The following ZNF654 variants were observed in gnomAD, a reference collection of about 807,000 sequenced individuals.
ZNF654 encodes the protein melanoma-associated antigen.
ZNF654 carries 19 observed loss-of-function variants against 95.3 expected under a neutral mutation model. The observed-to-expected ratio is 0.20, with a 90% CI of 0.14 to 0.29. The LOEUF (loss-of-function observed/expected upper bound fraction) is 0.29, where lower values mean the gene tolerates loss of function less well. Ranked by LOEUF, ZNF654 falls within the 10% of genes least tolerant of loss-of-function variation. The probability of loss-of-function intolerance (pLI) is 1.00; values close to 1 mark genes in which losing one functional copy is unlikely to be tolerated. For missense variants in ZNF654, 1,046 were observed against 1,341.0 expected (o/e 0.78, Z 3.44); for synonymous variants, 413 against 457.9 (o/e 0.90, Z 1.25).
chr3:88,064,351 C>T (rs534479256), intron 1 of ZNF654, among the ~76,000 whole-genome samples: 14 of 152,284 alleles, frequency 9.2e-5, no homozygotes, highest in Admixed American at 7.2e-4. Flanking sequence ...AGCATGTTCA[C>T]TATGTACACT....
chr3:88,066,403 A>C (rs1031469063), intron 1 of ZNF654, among the ~76,000 whole-genome samples: 1 of 151,914 alleles, frequency 6.6e-6, no homozygotes, highest in Admixed American at 6.6e-5. Context: ...GTGAAACCCT[A>C]TCTCTACAAA....
chr3:88,081,709 C>A (rs1475064877), intron 1 of ZNF654, among the ~76,000 whole-genome samples: 5 of 152,164 alleles, frequency 3.3e-5, no homozygotes, highest in African/African-American at 1.2e-4. Flanking sequence ...CACAGCATTT[C>A]TCTACTTTCT....
At chr3:88,077,529 G>T (rs903547060) in intron 1 of ZNF654, among the ~76,000 whole-genome samples, 2 of 151,952 alleles carry the variant, frequency 1.3e-5, no homozygotes, top group Admixed American at 1.3e-4. Flanking sequence ...TAGAGACGGG[G>T]TTTCCCTGTG....
intron 2 of ZNF654, among the ~76,000 whole-genome samples, chr3:88,099,585 C>G (rs533961852): frequency 6.6e-6 from 1 of 152,128 alleles, no homozygotes; most frequent in African/African-American, 2.4e-5. Flanking sequence ...TACTACAAGG[C>G]TACAGTAACC....
rs548146174 is a variant in ZNF654 at position 88,140,379 on chromosome 3, G to A, written c.2710G>A (p.Glu904Lys). The A allele has an allele frequency of 6.2e-7, 1 of 1,613,042 alleles. No individual in the cohort carries two copies. Among genetic ancestry groups the A allele is most frequent in the South Asian group, 1.1e-5 (1 of 91,010 alleles). ...PNQEKDSSSN[E>K]KQTISLPVST... Reference sequence around the variant, plus strand: ...TCAGGAAAAAGACTCATCTAGTAATGAGAAACAAACTATTAGTCTGCCAGT... The same window carrying A: ...TCAGGAAAAAGACTCATCTAGTAATAAGAAACAAACTATTAGTCTGCCAGT... Residue 904 changes from glutamate to lysine, a missense_variant, in exon 8 of 9, where the codon GAG (glutamate) becomes AAG (lysine). Physicochemically the swap from Glu to Lys is moderately conservative, Grantham distance 56. Transcript: ENST00000636215.
At chr3:88,107,619 T>C (rs1704823466) in intron 2 of ZNF654, among the ~76,000 whole-genome samples, 1 of 152,176 alleles carries the variant, frequency 6.6e-6, no homozygotes, top group South Asian at 2.1e-4. Flanking sequence ...ATTAAACATG[T>C]ATACTCCACC....
At chr3:88,131,087 C>G (rs1373235378) in intron 6 of ZNF654, among the ~76,000 whole-genome samples, 1 of 152,102 alleles carries the variant, frequency 6.6e-6, no homozygotes, top group Non-Finnish European at 1.5e-5. Flanking sequence ...GATGGTATAT[C>G]CTACTGCACA....
At chr3:88,129,894 CTTTG>C (rs1157127518) in intron 6 of ZNF654, 68 bp downstream of exon 6, 1 of 1,290,426 alleles carries the variant, frequency 7.7e-7, no homozygotes, top group Non-Finnish European at 1.0e-6. Flanking sequence ...GCAGTTTGAA[CTTTG>C]TTTTTTACAT....
intron 2 of ZNF654, among the ~76,000 whole-genome samples, chr3:88,101,058 A>G (rs944759395): frequency 6.6e-6 from 1 of 152,202 alleles, no homozygotes; most frequent in African/African-American, 2.4e-5. Context: ...TATATTGTCA[A>G]TCTTGTTTCA....
chr3:88,123,022 A>AG (rs1168700281), intron 3 of ZNF654, among the ~76,000 whole-genome samples: 1 of 151,696 alleles, frequency 6.6e-6, no homozygotes, highest in Non-Finnish European at 1.5e-5. Context: ...AAAAAAAAAA[A>AG]AAAAGTAAAA....
chr3:88,071,461 G>A (rs1214940286), intron 1 of ZNF654, among the ~76,000 whole-genome samples: 15 of 152,264 alleles, frequency 9.9e-5, no homozygotes, highest in African/African-American at 3.4e-4. Flanking sequence ...TGGCTAACAC[G>A]GTGAAACCCC....
intron 1 of ZNF654, among the ~76,000 whole-genome samples, chr3:88,071,835 A>G (rs1707533175): frequency 1.3e-5 from 2 of 152,194 alleles, no homozygotes; most frequent in African/African-American, 2.4e-5. Flanking sequence ...TTCCGTATCA[A>G]ACTTCACTTT....
Position 88,139,462 on chromosome 3 carries a change from T to C in ZNF654, c.1793T>C (p.Ile598Thr). ...QKHLKNHVKK[I>T]QRQQIAAAQQ... ...CATTTGAAGAATCATGTTAAGAAGATACAGAGGCAGCAAATTGCTGCAGCT... is the reference window on the plus strand; with the variant it reads ...CATTTGAAGAATCATGTTAAGAAGACACAGAGGCAGCAAATTGCTGCAGCT... The change falls in exon 8 of 9, where the codon ATA becomes ACA. Residue 598 changes from isoleucine (I) to threonine (T), a missense_variant. By Grantham distance (89) the Ile-to-Thr change is moderately conservative. Coordinates refer to ENST00000636215, the MANE Select transcript of ZNF654 (RefSeq NM_001350134.2). 6.2e-7 allele frequency: 1 copy of C among 1,613,798 alleles called. No individual in the cohort carries two copies. The highest frequency in any genetic ancestry group is 8.5e-7 in the Non-Finnish European group (1 of 1,179,802).
intron 1 of ZNF654, among the ~76,000 whole-genome samples, chr3:88,083,041 C>T (rs1273742361): frequency 6.6e-6 from 1 of 151,774 alleles, no homozygotes; most frequent in African/African-American, 2.4e-5. Flanking sequence ...CACTCCTCCT[C>T]ACTCCTCCTC....
chr3:88,066,577 AAC>A (rs1438124712), intron 1 of ZNF654, among the ~76,000 whole-genome samples: 14 of 151,860 alleles, frequency 9.2e-5, no homozygotes, highest in Admixed American at 2.0e-4. Flanking sequence ...CAAACAAACA[AAC>A]AAAAAAAACA....
At position 88,135,129 on chromosome 3, in the gene ZNF654, A is replaced by G; in HGVS notation, c.962A>G (p.Gln321Arg). Residue 321 changes from glutamine to arginine, a missense_variant, in exon 7 of 9, where the codon CAA (glutamine) becomes CGA (arginine). Around this residue, in one of 9 missense-constraint regions of ZNF654, gnomAD observed 121 missense variants for 141.7 expected, o/e 0.85. Transcript: ENST00000636215. ...SNPSKQVFVD[Q>R]CYQLLRTATN... ...CCTTCAAAACAAGTTTTTGTAGATCAATGCTACCAGCTTTTAAGAACAGCA... is the reference window on the plus strand; with the variant it reads ...CCTTCAAAACAAGTTTTTGTAGATCGATGCTACCAGCTTTTAAGAACAGCA... 6.7e-7 allele frequency: 1 copy of G among 1,487,160 alleles called. No individual in the cohort carries two copies. Among genetic ancestry groups the G allele is most frequent in the Non-Finnish European group, 8.9e-7 (1 of 1,125,340 alleles). The allele number at this position is 1,487,160 out of a possible 1,614,324, so 92.1% of individuals were successfully genotyped here.
rs139684420 is a variant in ZNF654, at chr3:88,119,463, G to T, written c.414+6267G>T. On this transcript the variant is annotated intron_variant, in intron 3 of 8. Coordinates refer to ENST00000636215, the MANE Select transcript of ZNF654 (RefSeq NM_001350134.2). ...TGCTAGATGACGAGTTAGTGGGTGT[G>T]CGCACCAGCATGGCACATGTATACA... 6.0e-3 allele frequency among the ~76,000 whole-genome samples: 892 copies of T among 147,834 alleles called. 7 individuals are homozygous for T. Among genetic ancestry groups the T allele is most frequent in the African/African-American group, 0.017 (665 of 39,776 alleles).
At position 88,142,217 on chromosome 3, in the gene ZNF654, A is replaced by G. The variant is rs1257719963; in HGVS notation, c.*565A>G. ...CTTACCACAGTGCTATCAATTAAAGATTGTAACAGGTTTCCAGATGATTAA... is the reference window on the plus strand; with the variant it reads ...CTTACCACAGTGCTATCAATTAAAGGTTGTAACAGGTTTCCAGATGATTAA... On this transcript the variant is annotated 3_prime_UTR_variant, in exon 9 of 9. Coordinates refer to ENST00000636215, the MANE Select transcript of ZNF654 (RefSeq NM_001350134.2). The G allele has an allele frequency of 6.6e-6, 1 of 151,600 alleles. No individual in the cohort carries two copies. The highest frequency in any genetic ancestry group is 1.5e-5 in the Non-Finnish European group (1 of 67,732). The allele number at this position is 151,600 out of a possible 1,614,324, so 9.4% of individuals were successfully genotyped here.
chr3:88,128,748 G>T (rs1706270261), intron 4 of ZNF654, 61 bp from the exon 5 acceptor site: 1 of 1,236,720 alleles, frequency 8.1e-7, no homozygotes, highest in Non-Finnish European at 1.1e-6. Flanking sequence ...AAGTTTCAAA[G>T]AACAAAGTTT....
Sources: allele counts gnomAD v4.1 joint callset (sites outside exome capture counted in the v4.1 genomes callset), GRCh38; gene constraint gnomAD v4.1.1; regional missense constraint gnomAD v4.1.1; transcripts MANE v1.5; gene names NCBI Gene and HGNC (gene_info 2026-07-23, HGNC 2026-07-21).